Variants in KHDRBS2 observed in about 807,000 individuals in gnomAD.
KHDRBS2 encodes the protein KH domain-containing, RNA-binding, signal transduction-associated protein 2.
A neutral mutation model predicts 44.3 loss-of-function variants in KHDRBS2; 26 were observed. That is an observed-to-expected ratio of 0.59 (90% CI 0.43 to 0.81). KHDRBS2 has a LOEUF of 0.81. Among genes scored for constraint, KHDRBS2 ranks in the 40% least tolerant of loss-of-function variants. KHDRBS2 has a pLI of 0.00. For missense variants in KHDRBS2, 476 were observed against 433.1 expected (o/e 1.10, Z -0.88); for synonymous variants, 194 against 151.1 (o/e 1.28, Z -2.08).
At position 61,943,788 on chromosome 6, in the gene KHDRBS2, G is replaced by A. The variant is rs139675673; in HGVS notation, c.483+34278C>T. ...CTAATATCCAAACTATGCAAGGAAT[G>A]CAAACAACTCAACTATTAAAAAGAA... On this transcript the variant is annotated intron_variant, in intron 4 of 8. Transcript: ENST00000281156. 2.4e-3 allele frequency among the ~76,000 whole-genome samples: 358 copies of A among 152,112 alleles called. 3 individuals carry two copies. The highest frequency in any genetic ancestry group is 8.1e-3 in the African/African-American group (336 of 41,524).
At chr6:61,548,010 A>C in the KHDRBS2 span, among the ~76,000 whole-genome samples, 1 of 152,136 alleles carries the variant, frequency 6.6e-6, no homozygotes, top group East Asian at 1.9e-4. Flanking sequence ...GGAAGAAAAA[A>C]TATGCACCAA....
chr6:61,907,931 C>T (rs1583449976), intron 4 of KHDRBS2, among the ~76,000 whole-genome samples: 1 of 152,068 alleles, frequency 6.6e-6, no homozygotes, highest in African/African-American at 2.4e-5. Context: ...CAAATTATTC[C>T]AAGTTTAGCT....
intron 2 of KHDRBS2, among the ~76,000 whole-genome samples, chr6:62,168,346 TC>T (rs1819129756): frequency 6.6e-6 from 1 of 152,116 alleles, no homozygotes; most frequent in Non-Finnish European, 1.5e-5. Context: ...TTCACAGAAT[TC>T]TAAAAGTACA....
At position 61,795,152 on chromosome 6, in the gene KHDRBS2, A is replaced by G. The variant is rs1269057989; in HGVS notation, c.811-62388T>C. ...AGAGCGAGACTCCGTCTCAAAAAAA[A>G]AAAAAAAAAAAAAAAAAAGAAAAAC... On this transcript the variant is annotated intron_variant, in intron 6 of 8. Coordinates refer to ENST00000281156, the MANE Select transcript of KHDRBS2 (RefSeq NM_152688.4). 6.4e-3 allele frequency among the ~76,000 whole-genome samples: 967 copies of G among 150,350 alleles called. 2 individuals are homozygous for G. Among genetic ancestry groups the G allele is most frequent in the African/African-American group, 0.022 (908 of 40,800 alleles).
intron 6 of KHDRBS2, among the ~76,000 whole-genome samples, chr6:61,893,547 C>T (rs1802380507): frequency 6.6e-6 from 1 of 152,178 alleles, no homozygotes; most frequent in Non-Finnish European, 1.5e-5. Flanking sequence ...GGCACATATA[C>T]ACCATGGAAT....
At chr6:62,143,575 C>T (rs1401138591) in intron 2 of KHDRBS2, among the ~76,000 whole-genome samples, 3 of 151,952 alleles carry the variant, frequency 2.0e-5, no homozygotes, top group Admixed American at 6.6e-5. Flanking sequence ...TTATTCTCCT[C>T]TGGAGTCTTC....
the KHDRBS2 span, among the ~76,000 whole-genome samples, chr6:61,568,681 C>A: frequency 6.6e-6 from 1 of 152,120 alleles, no homozygotes; most frequent in African/African-American, 2.4e-5. Flanking sequence ...TGTACCTTAC[C>A]TAGATCTTAC....
At chr6:61,637,594 C>T in the KHDRBS2 span, among the ~76,000 whole-genome samples, 1 of 152,170 alleles carries the variant, frequency 6.6e-6, no homozygotes, top group African/African-American at 2.4e-5. Flanking sequence ...TTCTAGATCC[C>T]TGAAGAATCG....
At chr6:62,109,699 T>A (rs1304679331) in intron 2 of KHDRBS2, among the ~76,000 whole-genome samples, 1 of 151,618 alleles carries the variant, frequency 6.6e-6, no homozygotes, top group African/African-American at 2.4e-5. Flanking sequence ...AATAGTCTTT[T>A]TAAAAGGTTT....
intron 6 of KHDRBS2, among the ~76,000 whole-genome samples, chr6:61,770,579 G>A (rs1381529009): frequency 1.3e-5 from 2 of 152,124 alleles, no homozygotes; most frequent in African/African-American, 4.8e-5. Flanking sequence ...TGGAAGAAAG[G>A]GTATCAGTGA....
chr6:61,889,675 T>A (rs1801521826), intron 6 of KHDRBS2, among the ~76,000 whole-genome samples: 1 of 152,200 alleles, frequency 6.6e-6, no homozygotes, highest in Non-Finnish European at 1.5e-5. Context: ...CCGCATGTTC[T>A]ATTATCCATG....
intron 2 of KHDRBS2, among the ~76,000 whole-genome samples, chr6:62,063,459 G>T (rs1322939122): frequency 2.6e-5 from 4 of 151,018 alleles, no homozygotes; most frequent in African/African-American, 4.9e-5. Flanking sequence ...TCCCTGGGAT[G>T]CAAGGCTGGT....
intron 1 of KHDRBS2, among the ~76,000 whole-genome samples, chr6:62,261,487 T>C: frequency 6.6e-6 from 1 of 151,896 alleles, no homozygotes; most frequent in East Asian, 1.9e-4. Context: ...TAAAGTGTCC[T>C]ATGACTAAAG....
At chr6:61,555,015 T>G in the KHDRBS2 span, among the ~76,000 whole-genome samples, 5 of 151,510 alleles carry the variant, frequency 3.3e-5, no homozygotes, top group African/African-American at 9.7e-5. Flanking sequence ...TTCACAGGGG[T>G]TTTTTTTGCA....
intron 6 of KHDRBS2, among the ~76,000 whole-genome samples, chr6:61,854,968 C>T (rs565663227): frequency 1.4e-3 from 214 of 152,194 alleles, no homozygotes; most frequent in African/African-American, 4.7e-3. Context: ...TGTATTCACA[C>T]GTAGGACTGT....
the KHDRBS2 span, among the ~76,000 whole-genome samples, chr6:61,583,743 G>C: frequency 6.6e-6 from 1 of 151,416 alleles, no homozygotes; most frequent in Non-Finnish European, 1.5e-5. Context: ...TAAATTTCTA[G>C]AAATAATCTT....
chr6:62,223,547 G>A (rs1831258109), intron 1 of KHDRBS2, among the ~76,000 whole-genome samples: 1 of 152,168 alleles, frequency 6.6e-6, no homozygotes, highest in Non-Finnish European at 1.5e-5. Context: ...TTTTTCCTCA[G>A]AAAATGGGTT....
At chr6:61,954,984 G>A (rs1278820675) in intron 4 of KHDRBS2, among the ~76,000 whole-genome samples, 3 of 93,228 alleles carry the variant, frequency 3.2e-5, no homozygotes, top group East Asian at 6.7e-4. Context: ...ATATGTATGT[G>A]TATACATATA....
At chr6:62,266,069 G>C (rs1839153100) in intron 1 of KHDRBS2, among the ~76,000 whole-genome samples, 1 of 152,046 alleles carries the variant, frequency 6.6e-6, no homozygotes, top group Admixed American at 6.6e-5. Context: ...TTTGGGGGTG[G>C]TGTGGGAGGA....
Sources: allele counts gnomAD v4.1 joint callset (sites outside exome capture counted in the v4.1 genomes callset), GRCh38; gene constraint gnomAD v4.1.1; transcripts MANE v1.5; gene names NCBI Gene and HGNC (gene_info 2026-07-23, HGNC 2026-07-21).